The following UNC5C variants were observed in gnomAD, a reference collection of about 807,000 sequenced individuals.
The protein encoded by UNC5C is netrin receptor UNC5C.
A neutral mutation model predicts 99.8 loss-of-function variants in UNC5C; 47 were observed. That is an observed-to-expected ratio of 0.47 (90% CI 0.37 to 0.60). UNC5C has a LOEUF of 0.60. UNC5C is among the 20% of genes least tolerant of loss of function. UNC5C has a pLI of 0.00. For synonymous variants in UNC5C, 487 were observed against 452.2 expected, an observed-to-expected ratio of 1.08 and a Z score of -0.98; for missense variants, 1,062 against 1,165.9, an observed-to-expected ratio of 0.91 and a Z score of 1.30.
At chr4:95,256,393 A>G (rs2149384418) in intron 4 of UNC5C, among the ~76,000 whole-genome samples, 1 of 152,072 alleles carries the variant, frequency 6.6e-6, no homozygotes, top group East Asian at 2.0e-4. Context: ...TAGCCTTCCA[A>G]TTACTTAGAC....
chr4:95,251,035 C>T (rs114086020), intron 4 of UNC5C, among the ~76,000 whole-genome samples: 2,648 of 152,282 alleles, frequency 0.017, 31 homozygotes, highest in South Asian at 0.07. Flanking sequence ...ATAGGATAAG[C>T]GTTTCAAACT....
At chr4:95,480,416 C>T (rs1344251970) in intron 1 of UNC5C, among the ~76,000 whole-genome samples, 1 of 151,734 alleles carries the variant, frequency 6.6e-6, no homozygotes, top group Admixed American at 6.6e-5. Flanking sequence ...GTTGTCATGT[C>T]CTCAGAAATG....
At chr4:95,419,799 A>G (rs1202790988) in intron 1 of UNC5C, among the ~76,000 whole-genome samples, 1 of 151,722 alleles carries the variant, frequency 6.6e-6, no homozygotes, top group East Asian at 1.9e-4. Context: ...AATAGCAACT[A>G]CTCTTAAACC....
At chr4:95,181,575 C>G (rs940915430) in intron 14 of UNC5C, among the ~76,000 whole-genome samples, 2 of 152,050 alleles carry the variant, frequency 1.3e-5, no homozygotes, top group Non-Finnish European at 2.9e-5. Context: ...AACACCCTCC[C>G]GAGCCAGCAG....
chr4:95,412,532 G>A (rs1292861746), intron 1 of UNC5C, among the ~76,000 whole-genome samples: 2 of 152,096 alleles, frequency 1.3e-5, no homozygotes, highest in African/African-American at 4.8e-5. Flanking sequence ...ATGGACACTC[G>A]ATAGATGTTT....
chr4:95,450,844 A>G (rs1408902737), intron 1 of UNC5C, among the ~76,000 whole-genome samples: 6 of 152,202 alleles, frequency 3.9e-5, no homozygotes, highest in East Asian at 3.9e-4. Context: ...TTGAGGTCCT[A>G]TCAATTTCCA....
chr4:95,375,792 A>G (rs914592465), intron 1 of UNC5C, among the ~76,000 whole-genome samples: 9 of 152,316 alleles, frequency 5.9e-5, no homozygotes, highest in African/African-American at 2.2e-4. Context: ...AAATATACAG[A>G]ATAGGCCGGG....
chr4:95,546,920 C>G (rs903044108), intron 1 of UNC5C, among the ~76,000 whole-genome samples: 1 of 152,082 alleles, frequency 6.6e-6, no homozygotes, highest in Admixed American at 6.6e-5. Context: ...GTTCTCTCAC[C>G]GTGCCCCGTC....
At chr4:95,176,533 G>A (rs1009309842) in intron 14 of UNC5C, among the ~76,000 whole-genome samples, 1 of 151,760 alleles carries the variant, frequency 6.6e-6, no homozygotes, top group African/African-American at 2.4e-5. Context: ...CTGCTGGGGG[G>A]TGCCTCCCAG....
chr4:95,323,075 C>T (rs1236632956), intron 2 of UNC5C, among the ~76,000 whole-genome samples: 1 of 152,004 alleles, frequency 6.6e-6, no homozygotes, highest in Admixed American at 6.6e-5. Flanking sequence ...ACATATTTAC[C>T]TATGACTTGG....
intron 1 of UNC5C, among the ~76,000 whole-genome samples, chr4:95,469,407 T>C (rs921028401): frequency 4.6e-5 from 7 of 152,152 alleles, no homozygotes; most frequent in Non-Finnish European, 8.8e-5. Flanking sequence ...ATACAATGTC[T>C]TCATTTTTTT....
At chr4:95,292,257 ATATATATAT>A (rs374089779) in intron 3 of UNC5C, among the ~76,000 whole-genome samples, 28,874 of 138,672 alleles carry the variant, frequency 0.21, 3,027 homozygotes, top group East Asian at 0.33. Flanking sequence ...ATATATATAT[ATATATATAT>A]AAATTTTTTT....
At chr4:95,301,442 A>G (rs964185298) in intron 3 of UNC5C, among the ~76,000 whole-genome samples, 164 bp downstream of exon 3, 2 of 151,880 alleles carry the variant, frequency 1.3e-5, no homozygotes, top group African/African-American at 2.4e-5. Context: ...TGATCCGCCC[A>G]CCTCGGCCTC....
chr4:95,319,103 A>G (rs1385990469), intron 2 of UNC5C, among the ~76,000 whole-genome samples: 2 of 152,030 alleles, frequency 1.3e-5, no homozygotes, highest in African/African-American at 2.4e-5. Context: ...ACATCTATGT[A>G]CTCCCTCTCT....
chr4:95,245,070 T>C lies in UNC5C; in HGVS notation c.850A>G (p.Thr284Ala). 6.2e-7 allele frequency: 1 copy of C among 1,614,148 alleles called. No homozygotes were observed. The highest frequency in any genetic ancestry group is 8.5e-7 in the Non-Finnish European group (1 of 1,180,018). Residue 284 changes from threonine to alanine, a missense_variant, in exon 6 of 16, where the codon ACA (threonine) becomes GCA (alanine). Thr to Ala is a moderately conservative substitution (Grantham distance 58). Coordinates refer to ENST00000453304, the MANE Select transcript of UNC5C (RefSeq NM_003728.4). Reference sequence around the variant, plus strand: ...GGTGCCGGGTTGGTACAAGTCCTTGTACGTTTCTGATACCCTCGTCCACAG... The same window carrying C: ...GGTGCCGGGTTGGTACAAGTCCTTGCACGTTTCTGATACCCTCGTCCACAG... Reference protein sequence around the residue: ...SRCGRGYQKRTRTCTNPAPLN... With the variant: ...SRCGRGYQKRARTCTNPAPLN...
At chr4:95,366,178 G>A (rs1387625774) in intron 1 of UNC5C, among the ~76,000 whole-genome samples, 1 of 152,128 alleles carries the variant, frequency 6.6e-6, no homozygotes, top group Non-Finnish European at 1.5e-5. Context: ...AAATACATGT[G>A]ATGGGCTGAG....
intron 1 of UNC5C, among the ~76,000 whole-genome samples, chr4:95,410,471 C>T (rs111466235): frequency 0.016 from 2,466 of 152,246 alleles, 69 homozygotes; most frequent in African/African-American, 0.056. Flanking sequence ...CTAAAATACC[C>T]CATTATTTTT....
At chr4:95,234,810 C>T (rs1366682934) in intron 7 of UNC5C, among the ~76,000 whole-genome samples, 1 of 152,138 alleles carries the variant, frequency 6.6e-6, no homozygotes, top group Non-Finnish European at 1.5e-5. Flanking sequence ...ACAGTACTTA[C>T]AATATGAACT....
At chr4:95,438,015 A>G (rs1480319731) in intron 1 of UNC5C, among the ~76,000 whole-genome samples, 1 of 152,064 alleles carries the variant, frequency 6.6e-6, no homozygotes, top group East Asian at 1.9e-4. Context: ...CTTTTCCATC[A>G]CTATAACAAA....
Sources: allele counts gnomAD v4.1 joint callset (sites outside exome capture counted in the v4.1 genomes callset), GRCh38; gene constraint gnomAD v4.1.1; transcripts MANE v1.5; gene names NCBI Gene and HGNC (gene_info 2026-07-23, HGNC 2026-07-21).